Variants in LSAMP observed in about 807,000 individuals in gnomAD.
LSAMP encodes limbic system-associated membrane protein.
A neutral mutation model predicts 38.6 loss-of-function variants in LSAMP; 7 were observed. That is an observed-to-expected ratio of 0.18 (90% CI 0.10 to 0.34). The LOEUF (loss-of-function observed/expected upper bound fraction) is 0.34, where lower values mean the gene tolerates loss of function less well. LSAMP is among the 10% of genes least tolerant of loss of function. The pLI is 1.00. For synonymous variants in LSAMP, 154 were observed against 166.8 expected, an observed-to-expected ratio of 0.92 and a Z score of 0.59; for missense variants, 313 against 420.0, an observed-to-expected ratio of 0.75 and a Z score of 2.23.
chr3:116,251,947 G>GT (rs1482021215), intron 1 of LSAMP, among the ~76,000 whole-genome samples: 2 of 152,144 alleles, frequency 1.3e-5, no homozygotes, highest in African/African-American at 4.8e-5. Context: ...ATCACCAGCT[G>GT]TAGGCAGCCC....
At chr3:116,430,584 A>G (rs2049267393) in intron 1 of LSAMP, among the ~76,000 whole-genome samples, 1 of 152,168 alleles carries the variant, frequency 6.6e-6, no homozygotes, top group African/African-American at 2.4e-5. Flanking sequence ...GACATTTACA[A>G]AATAAATACA....
chr3:115,957,480 A>G (rs1406048730), intron 3 of LSAMP, among the ~76,000 whole-genome samples: 2 of 152,128 alleles, frequency 1.3e-5, no homozygotes, highest in African/African-American at 4.8e-5. Context: ...GAGAAGACCT[A>G]AACCCCAGTG....
intron 1 of LSAMP, among the ~76,000 whole-genome samples, chr3:116,091,235 C>T (rs926328253): frequency 3.3e-5 from 5 of 152,340 alleles, no homozygotes; most frequent in South Asian, 2.1e-4. Context: ...CCCGGCTCAC[C>T]GGCGGCCAGA....
intron 1 of LSAMP, among the ~76,000 whole-genome samples, chr3:116,212,515 GATTTA>G (rs1204888607): frequency 6.6e-6 from 1 of 150,830 alleles, no homozygotes; most frequent in Non-Finnish European, 1.5e-5. Flanking sequence ...TTAAGGCTAA[GATTTA>G]ATTTAAAGAA....
intron 1 of LSAMP, among the ~76,000 whole-genome samples, chr3:116,367,103 T>A (rs2048364956): frequency 6.6e-6 from 1 of 152,154 alleles, no homozygotes. Context: ...TAACGATCGA[T>A]CAGATTAATG....
chr3:116,277,374 G>GAT (rs775081323), intron 1 of LSAMP, among the ~76,000 whole-genome samples: 1 of 144,976 alleles, frequency 6.9e-6, no homozygotes, highest in African/African-American at 2.5e-5. Context: ...CTCATCTTGT[G>GAT]TTTTTTTTTT....
At chr3:115,950,272 T>C (rs938317593) in intron 3 of LSAMP, among the ~76,000 whole-genome samples, 3 of 152,050 alleles carry the variant, frequency 2.0e-5, no homozygotes, top group African/African-American at 7.2e-5. Flanking sequence ...GGCACCCAAA[T>C]TGGTAAAGAG....
intron 4 of LSAMP, 94 bp from the exon 5 acceptor site, chr3:115,842,672 A>T: frequency 6.7e-7 from 1 of 1,498,790 alleles, no homozygotes; most frequent in South Asian, 1.2e-5. Flanking sequence ...CTGATTAGAG[A>T]GAGGCAGGAA....
At chr3:115,839,280 T>TCCTC (rs1934913784) in intron 6 of LSAMP, among the ~76,000 whole-genome samples, 4 of 129,500 alleles carry the variant, frequency 3.1e-5, no homozygotes, top group Non-Finnish European at 6.6e-5. Flanking sequence ...CTTCCTTCCT[T>TCCTC]CCTTCCTTCC....
intron 3 of LSAMP, among the ~76,000 whole-genome samples, chr3:115,968,071 T>C (rs1938882738): frequency 6.6e-6 from 1 of 152,062 alleles, no homozygotes; most frequent in Non-Finnish European, 1.5e-5. Context: ...CTGCCAGGCC[T>C]GAGACTCTCC....
intron 6 of LSAMP, among the ~76,000 whole-genome samples, chr3:115,818,820 A>ATATATATATATATATATATATG (rs1463079983): frequency 1.6e-5 from 2 of 122,804 alleles, no homozygotes; most frequent in African/African-American, 5.8e-5. Flanking sequence ...ATATATATAT[A>ATATATATATATATATATATATG]TAACTGCAGC....
intron 1 of LSAMP, among the ~76,000 whole-genome samples, chr3:116,383,358 A>G (rs2107804030): frequency 6.6e-6 from 1 of 152,200 alleles, no homozygotes; most frequent in Non-Finnish European, 1.5e-5. Context: ...GTAAATTTCC[A>G]TGGTGATGAA....
chr3:116,041,819 A>AAAAAAAAAAC (rs1941180581), intron 2 of LSAMP, among the ~76,000 whole-genome samples: 4 of 145,642 alleles, frequency 2.7e-5, no homozygotes, highest in Admixed American at 6.8e-5. Flanking sequence ...AACAAAACAA[A>AAAAAAAAAAC]AAAAAAACAC....
At chr3:116,095,307 G>T (rs2107440404) in intron 1 of LSAMP, among the ~76,000 whole-genome samples, 1 of 152,330 alleles carries the variant, frequency 6.6e-6, no homozygotes, top group Non-Finnish European at 1.5e-5. Context: ...AATTTCTGGA[G>T]CAATGAAAAG....
At chr3:116,295,627 G>T (rs1190764183) in intron 1 of LSAMP, among the ~76,000 whole-genome samples, 1 of 152,092 alleles carries the variant, frequency 6.6e-6, no homozygotes, top group Non-Finnish European at 1.5e-5. Flanking sequence ...TTCTTTAGTT[G>T]GCATTATTGC....
At chr3:116,422,823 T>C (rs1017350873) in intron 1 of LSAMP, among the ~76,000 whole-genome samples, 3 of 152,198 alleles carry the variant, frequency 2.0e-5, no homozygotes, top group Admixed American at 6.5e-5. Context: ...AACTGTAATA[T>C]TACCCCTTCA....
intron 1 of LSAMP, among the ~76,000 whole-genome samples, chr3:116,197,130 G>C (rs1001350032): frequency 5.7e-4 from 78 of 136,808 alleles, no homozygotes; most frequent in African/African-American, 7.1e-4. Context: ...ATCCCACTCG[G>C]ACACACACAC....
intron 6 of LSAMP, among the ~76,000 whole-genome samples, chr3:115,840,974 T>C (rs1934979279): frequency 6.6e-6 from 1 of 152,272 alleles, no homozygotes; most frequent in South Asian, 2.1e-4. Context: ...AATGTGTCTC[T>C]ATTCCAGATG....
intron 2 of LSAMP, among the ~76,000 whole-genome samples, chr3:116,076,781 G>T (rs1707753344): frequency 6.6e-6 from 1 of 151,926 alleles, no homozygotes; most frequent in South Asian, 2.1e-4. Flanking sequence ...TAAAACAACA[G>T]CAAAAAATAC....
Sources: gnomAD v4.1 joint callset for allele counts (sites outside exome capture counted in the v4.1 genomes callset) on GRCh38, gnomAD v4.1.1 for gene constraint, MANE v1.5 for transcripts, NCBI Gene and HGNC (gene_info 2026-07-23, HGNC 2026-07-21) for gene names.